Variants in PLCH1 observed in about 807,000 individuals in gnomAD.
PLCH1 encodes the protein 1-phosphatidylinositol 4,5-bisphosphate phosphodiesterase eta-1.
PLCH1 carries 60 observed loss-of-function variants against 126.7 expected under a neutral mutation model. The observed-to-expected ratio is 0.47, with a 90% CI of 0.38 to 0.59. PLCH1 has a LOEUF of 0.59. PLCH1 is among the 20% of genes least tolerant of loss of function. The pLI, the probability that PLCH1 is intolerant of heterozygous loss-of-function variation, is 0.00. For synonymous variants in PLCH1, 719 were observed against 734.9 expected (o/e 0.98, Z 0.35); for missense variants, 1,723 against 2,040.0 (o/e 0.84, Z 2.99).
At position 155,488,733 on chromosome 3, in the gene PLCH1, A is replaced by G. The variant is rs1277287863; in HGVS notation, c.2466T>C (p.Leu822=). 1 of 1,613,720 alleles carries G rather than the reference A, an allele frequency of 6.2e-7. No homozygotes were observed. The highest frequency in any genetic ancestry group is 8.5e-7 in the Non-Finnish European group (1 of 1,179,762). The change falls in exon 20 of 23, where the codon CTT becomes CTC. Residue 822 remains leucine, a synonymous_variant. Transcript: ENST00000460012. ...GTCCAATGGGATCGTGATCCCACAC[A>G]AGGAACCGAACCAAAGCTATTTCTG... ...HMPEIALVRF[L]VWDHDPIGRD...
chr3:155,731,848 C>G (rs114262613), intron 1 of PLCH1, among the ~76,000 whole-genome samples: 2,486 of 151,888 alleles, frequency 0.016, 27 homozygotes, highest in South Asian at 0.039. Flanking sequence ...CCAAGCATGG[C>G]GGCACACACC....
intron 8 of PLCH1, among the ~76,000 whole-genome samples, chr3:155,562,533 CT>C (rs927646663): frequency 2.0e-5 from 3 of 152,120 alleles, no homozygotes; most frequent in African/African-American, 7.2e-5. Flanking sequence ...GTCTTCACTA[CT>C]TCTCTAAGCA....
intron 10 of PLCH1, among the ~76,000 whole-genome samples, chr3:155,543,533 G>C (rs537635112): frequency 1.3e-5 from 2 of 152,302 alleles, no homozygotes; most frequent in East Asian, 3.9e-4. Context: ...AGGAAATACA[G>C]AGAACGCCAT....
intron 19 of PLCH1, among the ~76,000 whole-genome samples, chr3:155,489,843 A>C (rs1005602037): frequency 6.6e-6 from 1 of 152,198 alleles, no homozygotes; most frequent in African/African-American, 2.4e-5. Flanking sequence ...TCAACCACTT[A>C]ACCCTATCAA....
intron 10 of PLCH1, among the ~76,000 whole-genome samples, chr3:155,541,650 A>G (rs762796609): frequency 7.9e-5 from 12 of 152,202 alleles, no homozygotes; most frequent in Admixed American, 7.2e-4. Flanking sequence ...AGCATTAAAG[A>G]TCACCGATCA....
intron 10 of PLCH1, among the ~76,000 whole-genome samples, chr3:155,530,222 A>G (rs748208850): frequency 1.3e-5 from 2 of 152,172 alleles, no homozygotes; most frequent in Admixed American, 6.5e-5. Flanking sequence ...TTTATCAACT[A>G]AGGTTTTGTA....
intron 21 of PLCH1, among the ~76,000 whole-genome samples, chr3:155,472,176 A>G (rs369938467): frequency 6.0e-4 from 92 of 152,142 alleles, no homozygotes; most frequent in African/African-American, 1.9e-3. Context: ...TTGATAGACC[A>G]CTAGCAAGAC....
At chr3:155,547,822 T>C (rs1576981820) in intron 10 of PLCH1, among the ~76,000 whole-genome samples, 1 of 137,088 alleles carries the variant, frequency 7.3e-6, no homozygotes, top group African/African-American at 2.8e-5. Flanking sequence ...TTCTCACTCA[T>C]AGGTGGGAAT....
At chr3:155,553,473 A>C (rs1190214628) in intron 9 of PLCH1, among the ~76,000 whole-genome samples, 1 of 152,188 alleles carries the variant, frequency 6.6e-6, no homozygotes, top group Non-Finnish European at 1.5e-5. Flanking sequence ...AATTTGATAA[A>C]TATCCAGAAA....
chr3:155,734,901 G>C lies in PLCH1; in HGVS notation c.-41+9939C>G, dbSNP rs185934330. ...TTTTTTTGTATTTTTAGTAGTGACG[G>C]GGTTTCACCATATTAGCCAGGATGG... On this transcript the variant is annotated intron_variant, in intron 1 of 22. Transcript: ENST00000460012. 1.9e-4 allele frequency among the ~76,000 whole-genome samples: 29 copies of C among 152,062 alleles called. No individual in the cohort carries two copies. The East Asian group carries it at 4.8e-3, about 25-fold the overall frequency.
intron 1 of PLCH1, among the ~76,000 whole-genome samples, chr3:155,727,562 A>G (rs144491969): frequency 1.3e-5 from 2 of 151,942 alleles, no homozygotes; most frequent in Middle Eastern, 3.2e-3. Flanking sequence ...TAATTTTTGT[A>G]TTTTTATTAG....
intron 2 of PLCH1, 42 bp from the exon 3 acceptor site, chr3:155,596,420 ACAGGCATACTGGTGTC>A (rs1732999034): frequency 6.4e-7 from 1 of 1,561,724 alleles, no homozygotes; most frequent in Non-Finnish European, 8.8e-7. Flanking sequence ...CACACAATGC[ACAGGCATACTGGTGTC>A]CAGGTTTTAG....
intron 2 of PLCH1, among the ~76,000 whole-genome samples, chr3:155,613,027 C>A (rs1735339056): frequency 6.6e-6 from 1 of 150,684 alleles, no homozygotes; most frequent in Non-Finnish European, 1.5e-5. Context: ...AACAACTTAA[C>A]ACACACAAGC....
intron 2 of PLCH1, among the ~76,000 whole-genome samples, chr3:155,665,651 C>A (rs953519921): frequency 1.3e-5 from 2 of 152,148 alleles, no homozygotes; most frequent in Non-Finnish European, 2.9e-5. Context: ...GGGAGACCAC[C>A]CCTAGAGTCT....
At chr3:155,702,256 C>T (rs145478525) in intron 2 of PLCH1, among the ~76,000 whole-genome samples, 121 of 152,268 alleles carry the variant, frequency 7.9e-4, no homozygotes, top group African/African-American at 2.8e-3. Flanking sequence ...TGAAAGATTA[C>T]GTAACTTGTC....
chr3:155,469,943 G>A (rs1403640415), intron 21 of PLCH1, among the ~76,000 whole-genome samples: 1 of 152,154 alleles, frequency 6.6e-6, no homozygotes, highest in Admixed American at 6.5e-5. Flanking sequence ...CATCATCAAA[G>A]ACCAAAAGTA....
chr3:155,518,932 A>C (rs2108266835), intron 11 of PLCH1, among the ~76,000 whole-genome samples: 1 of 152,330 alleles, frequency 6.6e-6, no homozygotes, highest in Non-Finnish European at 1.5e-5. Context: ...GCCAGAGCCG[A>C]TCCAGAGCTG....
chr3:155,600,566 A>G (rs2108675248), intron 2 of PLCH1, among the ~76,000 whole-genome samples: 1 of 151,556 alleles, frequency 6.6e-6, no homozygotes, highest in South Asian at 2.1e-4. Flanking sequence ...CATCCCTTTA[A>G]TTCTACATTC....
At chr3:155,683,566 A>C (rs1577315195) in intron 2 of PLCH1, among the ~76,000 whole-genome samples, 1 of 152,176 alleles carries the variant, frequency 6.6e-6, no homozygotes, top group Non-Finnish European at 1.5e-5. Context: ...TCTGATTGAC[A>C]TTTGGGTGCC....
Sources: allele counts gnomAD v4.1 joint callset (sites outside exome capture counted in the v4.1 genomes callset), GRCh38; gene constraint gnomAD v4.1.1; transcripts MANE v1.5; gene names NCBI Gene and HGNC (gene_info 2026-07-23, HGNC 2026-07-21).